Variants in PTPN14 observed in about 807,000 individuals in gnomAD.
PTPN14 encodes the protein tyrosine-protein phosphatase non-receptor type 14.
PTPN14 carries 53 observed loss-of-function variants against 126.8 expected under a neutral mutation model. That is an observed-to-expected ratio of 0.42 (90% CI 0.34 to 0.53). The LOEUF is 0.53. PTPN14 is among the 20% of genes least tolerant of loss of function. The pLI is 0.08. For synonymous variants in PTPN14, 630 were observed against 599.3 expected (o/e 1.05, Z -0.75); for missense variants, 1,257 against 1,552.9 (o/e 0.81, Z 3.20).
At chr1:214,415,423 C>A (rs1659403952) in intron 3 of PTPN14, among the ~76,000 whole-genome samples, 1 of 152,200 alleles carries the variant, frequency 6.6e-6, no homozygotes. Context: ...TAGAAAACTT[C>A]TCACTCAAGA....
intron 1 of PTPN14, among the ~76,000 whole-genome samples, chr1:214,543,932 A>T (rs1655904693): frequency 6.6e-6 from 1 of 152,144 alleles, no homozygotes; most frequent in Admixed American, 6.6e-5. Context: ...CTTTTAAAAA[A>T]TAATCAACTC....
At chr1:214,417,271 T>C (rs2102588462) in intron 3 of PTPN14, among the ~76,000 whole-genome samples, 1 of 152,330 alleles carries the variant, frequency 6.6e-6, no homozygotes, top group East Asian at 1.9e-4. Flanking sequence ...TTTCAAATTT[T>C]TAAATTTTGT....
chr1:214,521,017 T>C (rs1339463567), intron 1 of PTPN14, among the ~76,000 whole-genome samples: 1 of 152,176 alleles, frequency 6.6e-6, no homozygotes, highest in African/African-American at 2.4e-5. Flanking sequence ...CCACATGTCA[T>C]TTCACAGAAG....
intron 8 of PTPN14, among the ~76,000 whole-genome samples, chr1:214,396,963 C>A (rs926392544): frequency 1.3e-5 from 2 of 152,138 alleles, no homozygotes; most frequent in Admixed American, 6.5e-5. Context: ...GTCCAAAAGT[C>A]AAAAAATTTA....
At chr1:214,483,610 G>T (rs1397269970) in intron 1 of PTPN14, among the ~76,000 whole-genome samples, 1 of 152,058 alleles carries the variant, frequency 6.6e-6, no homozygotes, top group Non-Finnish European at 1.5e-5. Context: ...ATTTCCTCTT[G>T]AAGTCTTTCA....
chr1:214,395,359 T>A (rs796942212), intron 8 of PTPN14, among the ~76,000 whole-genome samples: 37 of 152,278 alleles, frequency 2.4e-4, no homozygotes, highest in African/African-American at 7.9e-4. Context: ...TTAAAAATCA[T>A]GTGTTTCCAG....
In PTPN14 at chr1:214,551,532, C is replaced by T. The variant is rs1262192018; in HGVS notation, c.-504G>A. Reference sequence around the variant, plus strand: ...AGCCAGGAGAGCAGGCGGCTGAGCCCGGAGAAGCACAGCAACCTGCCCCCG... The same window carrying T: ...AGCCAGGAGAGCAGGCGGCTGAGCCTGGAGAAGCACAGCAACCTGCCCCCG... On this transcript the variant is annotated 5_prime_UTR_variant, in exon 1 of 19. Coordinates refer to ENST00000366956, the MANE Select transcript of PTPN14 (RefSeq NM_005401.5). 3 of 152,376 alleles carry T rather than the reference C, an allele frequency of 2.0e-5. No homozygotes were observed. Among genetic ancestry groups the T allele is most frequent in the African/African-American group, 4.8e-5 (2 of 41,450 alleles). The allele number at this position is 152,376 out of a possible 1,614,324, so 9.4% of individuals were successfully genotyped here. A position where few individuals can be genotyped will look rare whatever the true frequency, so the allele number is the denominator to read the frequency against.
Position 214,403,258 on chromosome 1 carries a change from C to T in PTPN14, c.511-305G>A, listed in dbSNP as rs180890762. ...CCTATCCGCCTGCCTCTCAGATGTACGTTTATAAAAAATGCTTTGCGTGTG... is the reference window on the plus strand; with the variant it reads ...CCTATCCGCCTGCCTCTCAGATGTATGTTTATAAAAAATGCTTTGCGTGTG... On this transcript the variant is annotated intron_variant, in intron 5 of 18. Transcript: ENST00000366956. Among the ~76,000 whole-genome samples, 70 of 152,238 alleles carry T rather than the reference C, an allele frequency of 4.6e-4. No homozygotes were observed. The East Asian group carries it at 0.012, about 26-fold the overall frequency.
At chr1:214,468,993 C>T (rs1358202180) in intron 1 of PTPN14, among the ~76,000 whole-genome samples, 5 of 152,184 alleles carry the variant, frequency 3.3e-5, no homozygotes, top group African/African-American at 1.2e-4. Flanking sequence ...CTAACACACA[C>T]ATCATTTACC....
chr1:214,525,647 A>C (rs956794655), intron 1 of PTPN14, among the ~76,000 whole-genome samples: 1 of 152,218 alleles, frequency 6.6e-6, no homozygotes, highest in Non-Finnish European at 1.5e-5. Context: ...AGAATTCATG[A>C]ATCTGTACAG....
intron 14 of PTPN14, among the ~76,000 whole-genome samples, chr1:214,377,743 C>T (rs1425731523): frequency 6.6e-6 from 1 of 152,114 alleles, no homozygotes; most frequent in Non-Finnish European, 1.5e-5. Context: ...AACCAATGAT[C>T]TGCCAACCGG....
chr1:214,454,544 A>C (rs1660339817), intron 2 of PTPN14, among the ~76,000 whole-genome samples: 1 of 152,168 alleles, frequency 6.6e-6, no homozygotes, highest in Non-Finnish European at 1.5e-5. Flanking sequence ...CACACATACA[A>C]CACACACAAA....
intron 3 of PTPN14, among the ~76,000 whole-genome samples, chr1:214,443,857 T>C (rs1660086255): frequency 6.6e-6 from 1 of 152,212 alleles, no homozygotes; most frequent in South Asian, 2.1e-4. Context: ...GCAGTGGCAT[T>C]GCCTTCTCCT....
At chr1:214,369,765 G>T in intron 16 of PTPN14, 74 bp from the exon 17 acceptor site, 1 of 1,361,320 alleles carries the variant, frequency 7.3e-7, no homozygotes, top group Middle Eastern at 2.1e-4. Context: ...AAGATATGAA[G>T]ACAGAAGAAA....
intron 9 of PTPN14, among the ~76,000 whole-genome samples, 186 bp from the exon 10 acceptor site, chr1:214,393,963 C>T (rs901647501): frequency 1.3e-5 from 2 of 152,160 alleles, no homozygotes; most frequent in Admixed American, 1.3e-4. Flanking sequence ...CAAAGCCTGC[C>T]AAAGAGTGGC....
chr1:214,474,090 C>T (rs1192610942), intron 1 of PTPN14, among the ~76,000 whole-genome samples: 1 of 152,190 alleles, frequency 6.6e-6, no homozygotes, highest in African/African-American at 2.4e-5. Flanking sequence ...ATCTCTCTTA[C>T]GCACTAACCA....
chr1:214,413,583 T>C (rs1043009711), intron 4 of PTPN14, among the ~76,000 whole-genome samples: 25 of 152,224 alleles, frequency 1.6e-4, no homozygotes, highest in African/African-American at 6.0e-4. Flanking sequence ...CACTTGCAGA[T>C]AAGCTGGTTT....
At chr1:214,411,850 A>C in intron 4 of PTPN14, 99 bp from the exon 5 acceptor site, 4 of 633,416 alleles carry the variant, frequency 6.3e-6, no homozygotes, top group Non-Finnish European at 7.7e-6. Context: ...TTCACATTTC[A>C]TCCTATTTCT....
chr1:214,440,977 G>A (rs1166620318), intron 3 of PTPN14, among the ~76,000 whole-genome samples: 1 of 152,154 alleles, frequency 6.6e-6, no homozygotes, highest in Non-Finnish European at 1.5e-5. Flanking sequence ...GATCTTACTG[G>A]TAGGTCAGCC....
Sources: allele counts gnomAD v4.1 joint callset (sites outside exome capture counted in the v4.1 genomes callset), GRCh38; gene constraint gnomAD v4.1.1; transcripts MANE v1.5; gene names NCBI Gene and HGNC (gene_info 2026-07-23, HGNC 2026-07-21).